Variants in PHF20 observed in about 807,000 individuals in gnomAD.
PHF20 encodes the protein PHD finger protein 20.
A neutral mutation model predicts 113.5 loss-of-function variants in PHF20; 23 were observed. That is an observed-to-expected ratio of 0.20 (90% confidence interval 0.15 to 0.29). The LOEUF (loss-of-function observed/expected upper bound fraction) is 0.29, where lower values mean the gene tolerates loss of function less well. Ranked by LOEUF, PHF20 falls within the 10% of genes least tolerant of loss-of-function variation. The pLI, the probability that PHF20 is intolerant of heterozygous loss-of-function variation, is 1.00. For synonymous variants in PHF20, 434 were observed against 457.3 expected, an observed-to-expected ratio of 0.95 and a Z score of 0.65; for missense variants, 943 against 1,219.6, an observed-to-expected ratio of 0.77 and a Z score of 3.38.
At chr20:35,835,665 C>T (rs1030830027) in intron 2 of PHF20, among the ~76,000 whole-genome samples, 1 of 152,210 alleles carries the variant, frequency 6.6e-6, no homozygotes, top group African/African-American at 2.4e-5. Flanking sequence ...CACAGTGGCT[C>T]ACGCCTATAA....
At chr20:35,815,089 G>A (rs1292580058) in intron 2 of PHF20, among the ~76,000 whole-genome samples, 3 of 151,386 alleles carry the variant, frequency 2.0e-5, no homozygotes, top group Non-Finnish European at 4.4e-5. Context: ...CCAGCTACTC[G>A]GGAGGTTGAG....
chr20:35,852,622 G>C (rs1361359981), intron 4 of PHF20, among the ~76,000 whole-genome samples: 1 of 148,654 alleles, frequency 6.7e-6, no homozygotes, highest in Non-Finnish European at 1.5e-5. Context: ...TTTTTGAGAC[G>C]GAGTCTCCCT....
chr20:35,901,095 G>T (rs1225958041), intron 10 of PHF20, among the ~76,000 whole-genome samples: 1 of 152,066 alleles, frequency 6.6e-6, no homozygotes, highest in East Asian at 1.9e-4. Flanking sequence ...GTGTTTATTT[G>T]TGTGTACTTT....
chr20:35,817,105 G>GT (rs1480013255), intron 2 of PHF20, among the ~76,000 whole-genome samples: 56 of 147,282 alleles, frequency 3.8e-4, no homozygotes, highest in East Asian at 1.2e-3. Flanking sequence ...TGTTGTTGTT[G>GT]TTTTTTTTTA....
At chr20:35,871,214 C>T in intron 8 of PHF20, 80 bp downstream of exon 8, 1 of 1,122,296 alleles carries the variant, frequency 8.9e-7, no homozygotes, top group South Asian at 1.4e-5. Context: ...TATGTTCTGC[C>T]TTCCACAAGT....
At chr20:35,784,082 A>G (rs1439453280) in intron 1 of PHF20, among the ~76,000 whole-genome samples, 1 of 146,942 alleles carries the variant, frequency 6.8e-6, no homozygotes, top group Non-Finnish European at 1.5e-5. Context: ...GAGACAGTGT[A>G]TCGCTCTGTC....
At chr20:35,793,598 C>T (rs986753261) in intron 1 of PHF20, among the ~76,000 whole-genome samples, 5 of 151,522 alleles carry the variant, frequency 3.3e-5, no homozygotes, top group Non-Finnish European at 7.4e-5. Context: ...TTGTGCCTGT[C>T]TTGAGAGTCC....
chr20:35,811,782 T>G (rs1887303627), intron 2 of PHF20, among the ~76,000 whole-genome samples: 1 of 150,780 alleles, frequency 6.6e-6, no homozygotes. Context: ...TATTTTTTAA[T>G]TTTTTTGAGA....
rs201946490 is a variant in PHF20 at position 35,913,204 on chromosome 20, T to C, written c.1562-45T>C. 3.6e-4 allele frequency: 473 copies of C among 1,319,944 alleles called. 6 individuals carry two copies. The Middle Eastern group carries it at 4.9e-3, about 14-fold the overall frequency. 81.8% of individuals were successfully genotyped at this position (1,319,944 alleles called of 1,614,324 possible). Reference sequence around the variant, plus strand: ...TAGGAGAAGAATAAGCACCCCAGCATTGAAAACAAAATGTTAAAATGCCAA... The same window carrying C: ...TAGGAGAAGAATAAGCACCCCAGCACTGAAAACAAAATGTTAAAATGCCAA... On this transcript the variant is annotated intron_variant, in intron 10 of 17. Coordinates refer to ENST00000374012, the MANE Select transcript of PHF20 (RefSeq NM_016436.5).
At chr20:35,880,698 T>G (rs1381892427) in intron 9 of PHF20, among the ~76,000 whole-genome samples, 3 of 152,172 alleles carry the variant, frequency 2.0e-5, no homozygotes, top group African/African-American at 4.8e-5. Context: ...CGGTGGCTCA[T>G]GCCTGTAATT....
At chr20:35,905,531 G>T (rs1482501001) in intron 10 of PHF20, among the ~76,000 whole-genome samples, 2 of 152,180 alleles carry the variant, frequency 1.3e-5, no homozygotes, top group African/African-American at 4.8e-5. Flanking sequence ...GCAAGAAGAT[G>T]GCCATCTGCA....
At chr20:35,794,860 C>G (rs1214668077) in intron 1 of PHF20, among the ~76,000 whole-genome samples, 1 of 151,656 alleles carries the variant, frequency 6.6e-6, no homozygotes, top group Non-Finnish European at 1.5e-5. Context: ...AAAATAAAAC[C>G]CAGAGTCTTT....
At chr20:35,805,758 G>T (rs2041868223) in intron 2 of PHF20, among the ~76,000 whole-genome samples, 1 of 152,020 alleles carries the variant, frequency 6.6e-6, no homozygotes. Context: ...GGGGTTACAG[G>T]CATAAGTCAC....
chr20:35,786,107 AGCTGGGCGTGGTG>A (rs1312117728), intron 1 of PHF20, among the ~76,000 whole-genome samples: 2 of 143,478 alleles, frequency 1.4e-5, no homozygotes, highest in African/African-American at 5.2e-5. Flanking sequence ...AAGACTTCCC[AGCTGGGCGTGGTG>A]GCTCACGCCT....
At chr20:35,941,442 A>C (rs1338566800) in intron 17 of PHF20, among the ~76,000 whole-genome samples, 1 of 152,228 alleles carries the variant, frequency 6.6e-6, no homozygotes, top group Non-Finnish European at 1.5e-5. Context: ...TCTTATTCCA[A>C]TCTTTGATAA....
At chr20:35,792,113 C>A (rs982161370) in intron 1 of PHF20, among the ~76,000 whole-genome samples, 3 of 152,112 alleles carry the variant, frequency 2.0e-5, no homozygotes, top group African/African-American at 7.2e-5. Flanking sequence ...TTATGGAAGG[C>A]AAAGCTTGAC....
At position 35,948,767 on chromosome 20, in the gene PHF20, T is replaced by C. The variant is rs949013365; in HGVS notation, c.*1140T>C. 5 of 152,692 alleles carry C rather than the reference T, an allele frequency of 3.3e-5. No individual in the cohort carries two copies. Among genetic ancestry groups the C allele is most frequent in the African/African-American group, 1.2e-4 (5 of 41,460 alleles). The allele number at this position is 152,692 out of a possible 1,614,324, so 9.5% of individuals were successfully genotyped here. On this transcript the variant is annotated 3_prime_UTR_variant, in exon 18 of 18. Transcript: ENST00000374012. Reference sequence around the variant, plus strand: ...GTAATTGCTATATTTTGTTTTGTTTTTCCTTACTAGGCAAAGTTAAAATGT... The same window carrying C: ...GTAATTGCTATATTTTGTTTTGTTTCTCCTTACTAGGCAAAGTTAAAATGT...
Position 35,858,985 on chromosome 20 carries a change from C to A in PHF20, c.420+604C>A, listed in dbSNP as rs115270055. ...AACAATGGTTATTCTTTTCTTCTCTCTGTGCCCTGCGCCCCACAAGAGCTG... is the reference window on the plus strand; with the variant it reads ...AACAATGGTTATTCTTTTCTTCTCTATGTGCCCTGCGCCCCACAAGAGCTG... On this transcript the variant is annotated intron_variant, in intron 5 of 17. Transcript: ENST00000374012. Among the ~76,000 whole-genome samples the A allele has an allele frequency of 5.3e-3, 806 of 152,276 alleles. 9 individuals carry two copies. The highest frequency in any genetic ancestry group is 0.019 in the African/African-American group (774 of 41,548).
At chr20:35,789,768 G>A (rs1237922354) in intron 1 of PHF20, among the ~76,000 whole-genome samples, 1 of 150,142 alleles carries the variant, frequency 6.7e-6, no homozygotes. Context: ...GGCTGGTCTC[G>A]AACTCCTGAC....
Sources: gnomAD v4.1 joint callset for allele counts (sites outside exome capture counted in the v4.1 genomes callset) on GRCh38, gnomAD v4.1.1 for gene constraint, MANE v1.5 for transcripts, NCBI Gene and HGNC (gene_info 2026-07-23, HGNC 2026-07-21) for gene names.